VPS13A: variants seen among roughly 807,000 people sequenced by gnomAD.
The protein encoded by VPS13A is intermembrane lipid transfer protein VPS13A.
A neutral mutation model predicts 390.9 loss-of-function variants in VPS13A; 264 were observed. The ratio of observed to expected loss-of-function variants is 0.68; its 90% CI spans 0.61 to 0.75. The LOEUF (loss-of-function observed/expected upper bound fraction) is 0.75. Ranked by LOEUF, VPS13A falls within the 30% of genes least tolerant of loss-of-function variation. The pLI, the probability that VPS13A is intolerant of heterozygous loss-of-function variation, is 0.00. For missense variants in VPS13A, 3,409 were observed against 3,733.9 expected, an observed-to-expected ratio of 0.91 and a Z score of 2.27; for synonymous variants, 1,231 against 1,227.1, an observed-to-expected ratio of 1.00 and a Z score of -0.07.
intron 17 of VPS13A, among the ~76,000 whole-genome samples, chr9:77,237,755 G>A (rs1022338998): frequency 6.6e-6 from 1 of 152,128 alleles, no homozygotes; most frequent in African/African-American, 2.4e-5. Context: ...AAGCATTGTA[G>A]ATTTACTGTC....
At chr9:77,337,802 G>A in intron 47 of VPS13A, 1 of 337,432 alleles carries the variant, frequency 3.0e-6, no homozygotes, top group Non-Finnish European at 5.3e-6. Flanking sequence ...TATACTTTGT[G>A]AAGTTGCTTT....
chr9:77,409,896 C>A (rs1027969872), intron 71 of VPS13A, among the ~76,000 whole-genome samples: 6 of 151,262 alleles, frequency 4.0e-5, no homozygotes, highest in African/African-American at 1.5e-4. Context: ...GGAGAACTTC[C>A]CCAATCTAGC....
At chr9:77,187,102 A>C (rs555309432) in intron 1 of VPS13A, among the ~76,000 whole-genome samples, 1 of 152,292 alleles carries the variant, frequency 6.6e-6, no homozygotes, top group East Asian at 1.9e-4. Context: ...TTGTATGTAT[A>C]TACTGCATTT....
intron 62 of VPS13A, 145 bp downstream of exon 62, chr9:77,368,281 T>A: frequency 1.4e-6 from 1 of 726,872 alleles, no homozygotes; most frequent in Non-Finnish European, 2.2e-6. Context: ...CTCAGAATTA[T>A]AAAAAGAAAT....
In VPS13A at chr9:77,372,337, T is replaced by C. The variant is rs369511949; in HGVS notation, c.9077+1188T>C. 7.7e-3 allele frequency among the ~76,000 whole-genome samples: 1,170 copies of C among 152,176 alleles called. 14 individuals carry two copies. The highest frequency in any genetic ancestry group is 0.022 in the East Asian group (111 of 5,162). ...TGTTGTTTCCTGACTTTTTAATGAT[T>C]GCCATTCTAACTGGTGTGAGATGGT... On this transcript the variant is annotated intron_variant, in intron 67 of 71. Transcript: ENST00000360280.
At chr9:77,407,344 T>C (rs1254630483) in intron 70 of VPS13A, among the ~76,000 whole-genome samples, 189 bp from the exon 71 acceptor site, 1 of 152,216 alleles carries the variant, frequency 6.6e-6, no homozygotes, top group Non-Finnish European at 1.5e-5. Flanking sequence ...GGTTGTGTTA[T>C]TAATAGAATG....
intron 14 of VPS13A, 48 bp downstream of exon 14, chr9:77,226,036 A>C (rs765495748): frequency 2.7e-5 from 40 of 1,487,000 alleles, no homozygotes; most frequent in Non-Finnish European, 3.6e-5. Context: ...AATTCCATAT[A>C]GATATGACAG....
At chr9:77,388,660 G>A (rs1041908688) in intron 68 of VPS13A, among the ~76,000 whole-genome samples, 1 of 152,094 alleles carries the variant, frequency 6.6e-6, no homozygotes, top group Non-Finnish European at 1.5e-5. Flanking sequence ...CTGGATCTTA[G>A]AGATCCTCAA....
At chr9:77,320,111 T>C (rs2131445148) in intron 42 of VPS13A, among the ~76,000 whole-genome samples, 1 of 152,278 alleles carries the variant, frequency 6.6e-6, no homozygotes, top group East Asian at 1.9e-4. Flanking sequence ...AGTTTAGACA[T>C]TGTTCTAAAT....
intron 22 of VPS13A, 26 bp from the exon 23 acceptor site, chr9:77,260,060 T>TA: frequency 2.2e-6 from 3 of 1,338,102 alleles, no homozygotes; most frequent in Non-Finnish European, 3.1e-6. Context: ...CCTTTATAAT[T>TA]ACTTATTTTT....
chr9:77,213,169 C>G (rs1826066944), intron 8 of VPS13A, 65 bp from the exon 9 acceptor site: 1 of 1,560,896 alleles, frequency 6.4e-7, no homozygotes, highest in Admixed American at 1.7e-5. Context: ...TTTGAGACTT[C>G]TGAAAATAGT....
At chr9:77,414,077 AG>A (rs1300606852) in intron 71 of VPS13A, among the ~76,000 whole-genome samples, 2 of 152,216 alleles carry the variant, frequency 1.3e-5, no homozygotes, top group South Asian at 4.1e-4. Context: ...ATCATTAAAA[AG>A]TCAGGAAACA....
chr9:77,245,324 G>A (rs1224541633), intron 19 of VPS13A, among the ~76,000 whole-genome samples: 2 of 152,222 alleles, frequency 1.3e-5, no homozygotes, highest in African/African-American at 2.4e-5. Context: ...TTAGACTAGA[G>A]ATGGAAATGA....
At position 77,213,330 on chromosome 9, in the gene VPS13A, CTGTA is replaced by C. The variant is rs758528794; in HGVS notation, c.696+22_696+25del. On this transcript the variant is annotated intron_variant, in intron 9 of 71. Coordinates refer to ENST00000360280, the MANE Select transcript of VPS13A (RefSeq NM_033305.3). ...TAACTCCTTGGTAAGTAAATTTTTT[CTGTA>C]TGTATTTGTTGGTATCATATTTTGC... 1 of 1,593,968 alleles carries C rather than the reference CTGTA, an allele frequency of 6.3e-7. No homozygotes were observed.
chr9:77,354,586 A>G (rs1831653525), intron 54 of VPS13A, among the ~76,000 whole-genome samples: 1 of 152,182 alleles, frequency 6.6e-6, no homozygotes, highest in African/African-American at 2.4e-5. Flanking sequence ...AATAAAATTA[A>G]ACAACTTAAA....
At chr9:77,306,712 C>G (rs900669287) in intron 34 of VPS13A, among the ~76,000 whole-genome samples, 4 of 151,910 alleles carry the variant, frequency 2.6e-5, no homozygotes, top group Non-Finnish European at 5.9e-5. Context: ...ATCTGATTTA[C>G]CTAGAGTCTA....
intron 23 of VPS13A, among the ~76,000 whole-genome samples, chr9:77,260,912 T>C (rs1430759373): frequency 1.3e-5 from 2 of 152,030 alleles, no homozygotes; most frequent in Non-Finnish European, 2.9e-5. Context: ...TCATTTTTTT[T>C]TTTTGAAACA....
intron 17 of VPS13A, among the ~76,000 whole-genome samples, chr9:77,229,328 G>T (rs1370927392): frequency 6.6e-6 from 1 of 152,172 alleles, no homozygotes; most frequent in Non-Finnish European, 1.5e-5. Flanking sequence ...CAGTTCGCCA[G>T]CCTCAGCCTC....
Position 77,314,024 on chromosome 9 carries a change from G to T in VPS13A, c.4147G>T (p.Val1383Leu), listed in dbSNP as rs1172928582. Residue 1383 changes from valine to leucine, a missense_variant, in exon 36 of 72, where the codon GTA becomes TTA. This residue lies in a region of VPS13A where 2,717 missense variants were observed against 2,917.4 expected (regional missense o/e 0.93). Coordinates refer to ENST00000360280, the MANE Select transcript of VPS13A (RefSeq NM_033305.3). ...TGTGGTGACAGCTGCTGTGGTAGAA[G>T]TACATTCACGTGCCTTACTAGTTAA... is the stretch of plus-strand genomic sequence containing the variant. ...ATVVTAAVVE[V>L]HSRALLVKTT... is the part of the protein sequence containing the mutation. The T allele has an allele frequency of 6.2e-7, 1 of 1,613,188 alleles. No homozygotes were observed. Among genetic ancestry groups the T allele is most frequent in the Non-Finnish European group, 8.5e-7 (1 of 1,179,578 alleles).
Sources: gnomAD v4.1 joint callset for allele counts (sites outside exome capture counted in the v4.1 genomes callset) on GRCh38, gnomAD v4.1.1 for gene constraint, gnomAD v4.1.1 regional missense constraint, MANE v1.5 for transcripts, NCBI Gene and HGNC (gene_info 2026-07-23, HGNC 2026-07-21) for gene names.